Variants in TG observed in about 807,000 individuals in gnomAD.
The protein encoded by TG is thyroid hormones.
A neutral mutation model predicts 324.7 loss-of-function variants in TG; 270 were observed. The ratio of observed to expected loss-of-function variants is 0.83; its 90% CI spans 0.75 to 0.92. TG has a LOEUF of 0.92. Among genes scored for constraint, TG ranks in the 40% least tolerant of loss-of-function variants. The pLI is 0.00. For missense variants in TG, 3,591 were observed against 3,456.4 expected (o/e 1.04, Z -0.98); for synonymous variants, 1,401 against 1,327.0 (o/e 1.06, Z -1.21).
rs573896465 is a variant in TG, at chr8:132,931,965, G to A, written c.4817-1596G>A. 9.3e-4 allele frequency among the ~76,000 whole-genome samples: 142 copies of A among 152,182 alleles called. No homozygotes were observed. In the Middle Eastern group the frequency reaches 0.01, roughly 11 times the overall value. ...AAAAATTAGCCAGGCGTGATGGTGC[G>A]TACCTGTAATCCCAGCTACTTGAGA... On this transcript the variant is annotated intron_variant, in intron 23 of 47. Coordinates refer to ENST00000220616, the MANE Select transcript of TG (RefSeq NM_003235.5).
intron 41 of TG, chr8:133,050,229 C>T: frequency 1.9e-6 from 1 of 532,026 alleles, no homozygotes; most frequent in South Asian, 2.4e-5. Flanking sequence ...CTAGAAATAG[C>T]TGCTTTTCAG....
Position 132,871,482 on chromosome 8 carries a change from C to T in TG, c.409C>T (p.Gln137Ter). Residue 137 changes from glutamine (Q) to a stop codon, truncating the protein, a stop_gained, in exon 4 of 48, where the codon CAG becomes TAG. Transcript: ENST00000220616. LOFTEE classifies it high-confidence loss of function. The part of the protein sequence containing the change: ...APVQCDVQQV[Q>*]CWCVDAEGME... ...TGTTCAGTGTGATGTGCAGCAGGTCCAGTGCTGGTGTGTGGACGCAGAGGG... is the reference window on the plus strand; with the variant it reads ...TGTTCAGTGTGATGTGCAGCAGGTCTAGTGCTGGTGTGTGGACGCAGAGGG... 1 of 1,614,106 alleles carries T rather than the reference C, an allele frequency of 6.2e-7. No individual in the cohort carries two copies. The highest frequency in any genetic ancestry group is 8.5e-7 in the Non-Finnish European group (1 of 1,180,020).
chr8:133,107,252 A>C (rs1332562720), intron 43 of TG, among the ~76,000 whole-genome samples: 1 of 152,166 alleles, frequency 6.6e-6, no homozygotes, highest in Non-Finnish European at 1.5e-5. Flanking sequence ...TCAAATGCCA[A>C]ATTTCACATT....
chr8:132,962,544 C>T (rs555810141), intron 28 of TG, among the ~76,000 whole-genome samples: 9 of 152,330 alleles, frequency 5.9e-5, no homozygotes, highest in East Asian at 5.8e-4. Flanking sequence ...CAGGCTCACT[C>T]GCTTTCATGG....
At chr8:133,130,969 C>G (rs1851901288) in intron 45 of TG, among the ~76,000 whole-genome samples, 2 of 152,222 alleles carry the variant, frequency 1.3e-5, no homozygotes, top group Admixed American at 1.3e-4. Flanking sequence ...CCTGGCTTCT[C>G]TGTCGCCACC....
At chr8:132,896,348 G>C (rs570065104) in intron 11 of TG, among the ~76,000 whole-genome samples, 2 of 152,194 alleles carry the variant, frequency 1.3e-5, no homozygotes, top group Admixed American at 1.3e-4. Flanking sequence ...GGTGTCCCCA[G>C]ATGGGCTCTG....
intron 41 of TG, among the ~76,000 whole-genome samples, chr8:133,067,239 A>G (rs928868376): frequency 7.9e-5 from 12 of 152,106 alleles, no homozygotes; most frequent in African/African-American, 2.4e-4. Context: ...CGTGACCCAC[A>G]TAGTCCCCTG....
chr8:133,065,181 C>T (rs1408587291), intron 41 of TG, among the ~76,000 whole-genome samples: 2 of 152,154 alleles, frequency 1.3e-5, no homozygotes, highest in East Asian at 1.9e-4. Flanking sequence ...CCAGAACACC[C>T]CCATCCCACA....
chr8:132,942,962 G>C (rs992658438), intron 26 of TG, among the ~76,000 whole-genome samples: 4 of 152,196 alleles, frequency 2.6e-5, no homozygotes, highest in African/African-American at 9.7e-5. Flanking sequence ...ACATGGAGCT[G>C]ATCAGGAAGC....
intron 25 of TG, 67 bp from the exon 26 acceptor site, chr8:132,941,284 C>T: frequency 6.3e-7 from 1 of 1,588,166 alleles, no homozygotes; most frequent in Non-Finnish European, 8.6e-7. Context: ...CCTGTGAGAT[C>T]AGTAAGCTCT....
At chr8:132,991,177 G>A (rs1418437542) in intron 35 of TG, among the ~76,000 whole-genome samples, 1 of 152,036 alleles carries the variant, frequency 6.6e-6, no homozygotes, top group African/African-American at 2.4e-5. Flanking sequence ...GCAGACAGTG[G>A]TCTGCCTCAG....
At chr8:133,079,729 A>G (rs961822362) in intron 41 of TG, among the ~76,000 whole-genome samples, 2 of 152,174 alleles carry the variant, frequency 1.3e-5, no homozygotes, top group East Asian at 1.9e-4. Context: ...GAAGAAGGAA[A>G]AGGCAGTCTT....
At chr8:133,012,701 T>C (rs1834631050) in intron 36 of TG, among the ~76,000 whole-genome samples, 1 of 152,206 alleles carries the variant, frequency 6.6e-6, no homozygotes, top group South Asian at 2.1e-4. Flanking sequence ...CAAGGTTGGA[T>C]AATAATATGC....
intron 41 of TG, among the ~76,000 whole-genome samples, chr8:133,055,258 C>T (rs1841165266): frequency 6.6e-6 from 1 of 151,928 alleles, no homozygotes; most frequent in Non-Finnish European, 1.5e-5. Flanking sequence ...GGGATTGCAG[C>T]CTCTTGTTTT....
intron 41 of TG, chr8:133,047,935 T>C: frequency 1.3e-6 from 2 of 1,594,078 alleles, no homozygotes; most frequent in Non-Finnish European, 8.6e-7. Flanking sequence ...AACAGCCAGC[T>C]GGGAAGGAGG....
chr8:133,088,112 T>C (rs970238430), intron 41 of TG, among the ~76,000 whole-genome samples: 2 of 152,240 alleles, frequency 1.3e-5, no homozygotes, highest in African/African-American at 4.8e-5. Context: ...TTAAGCAGAA[T>C]GCAGCACGGT....
Position 133,077,519 on chromosome 8 carries a change from T to C in TG, c.7240-17525T>C, listed in dbSNP as rs182352506. On this transcript the variant is annotated intron_variant, in intron 41 of 47. Transcript: ENST00000220616. ...AGTAGGTTTGAGAAAGTGTTCCTCA[T>C]ACTGGGCACTGTGCTATCCCAAAGC... is the stretch of plus-strand genomic sequence containing the variant. Among the ~76,000 whole-genome samples the C allele has an allele frequency of 3.4e-3, 514 of 152,262 alleles. 3 individuals are homozygous for C. The highest frequency in any genetic ancestry group is 0.012 in the African/African-American group (490 of 41,562).
chr8:133,077,537 C>T (rs962562627), intron 41 of TG, among the ~76,000 whole-genome samples: 2 of 152,280 alleles, frequency 1.3e-5, no homozygotes, highest in East Asian at 3.9e-4. Flanking sequence ...ACTGTGCTAT[C>T]CCAAAGCCTG....
chr8:133,014,452 C>A (rs879680120), intron 37 of TG, among the ~76,000 whole-genome samples: 1 of 152,138 alleles, frequency 6.6e-6, no homozygotes, highest in Non-Finnish European at 1.5e-5. Context: ...TGGGGGAATC[C>A]CCTCCCCCAC....
Sources: allele counts gnomAD v4.1 joint callset (sites outside exome capture counted in the v4.1 genomes callset), GRCh38; gene constraint gnomAD v4.1.1; transcripts MANE v1.5; gene names NCBI Gene and HGNC (gene_info 2026-07-23, HGNC 2026-07-21).